MCOLN2: variants seen among roughly 807,000 people sequenced by gnomAD.
MCOLN2 encodes mucolipin TRP cation channel 2.
Under a neutral mutation model 67.5 loss-of-function variants are expected in MCOLN2, and 57 were observed. That is an observed-to-expected ratio of 0.84 (90% CI 0.68 to 1.05). MCOLN2 has a LOEUF of 1.05. Among genes scored for constraint, MCOLN2 ranks in the 50% least tolerant of loss-of-function variants. The pLI is 0.00. For missense variants in MCOLN2, 620 were observed against 678.8 expected, an observed-to-expected ratio of 0.91 and a Z score of 0.96; for synonymous variants, 246 against 233.3, an observed-to-expected ratio of 1.05 and a Z score of -0.50.
chr1:84,991,980 G>C (rs1189395302), intron 1 of MCOLN2, among the ~76,000 whole-genome samples: 3 of 152,204 alleles, frequency 2.0e-5, no homozygotes, highest in Non-Finnish European at 4.4e-5. Flanking sequence ...CAACTTAATA[G>C]AGTCATGCTG....
intron 1 of MCOLN2, among the ~76,000 whole-genome samples, chr1:84,993,006 T>G (rs1650967985): frequency 6.6e-6 from 1 of 152,248 alleles, no homozygotes. Flanking sequence ...CAACGCTGTT[T>G]GATTGCATTT....
chr1:84,993,618 T>G (rs200784175), intron 1 of MCOLN2, among the ~76,000 whole-genome samples: 5 of 74,662 alleles, frequency 6.7e-5, no homozygotes, highest in Non-Finnish European at 1.5e-4. Flanking sequence ...TTAAATAATG[T>G]CTTTTTTTTT....
At chr1:84,946,056 A>C (rs1028581353) in intron 7 of MCOLN2, among the ~76,000 whole-genome samples, 2 of 152,112 alleles carry the variant, frequency 1.3e-5, no homozygotes, top group Admixed American at 6.6e-5. Flanking sequence ...GCAGTAGCCC[A>C]TTTTAAACAT....
chr1:84,940,068 A>G (rs1162947268), intron 8 of MCOLN2, among the ~76,000 whole-genome samples: 1 of 152,182 alleles, frequency 6.6e-6, no homozygotes, highest in African/African-American at 2.4e-5. Flanking sequence ...TGAGGCACCG[A>G]GAGGCTAAGC....
intron 8 of MCOLN2, among the ~76,000 whole-genome samples, chr1:84,940,086 C>T (rs1050690098): frequency 8.6e-5 from 13 of 152,006 alleles, no homozygotes; most frequent in African/African-American, 2.4e-4. Flanking sequence ...AGCCAGGATC[C>T]GTGTCCAGGC....
chr1:84,990,888 T>C (rs1557668111), intron 1 of MCOLN2, among the ~76,000 whole-genome samples: 2 of 151,980 alleles, frequency 1.3e-5, no homozygotes, highest in South Asian at 2.1e-4. Flanking sequence ...TAAGCTGTCA[T>C]TGTGCCACTG....
In MCOLN2 at chr1:84,952,275, C is replaced by T; in HGVS notation, c.715G>A (p.Glu239Lys). 6.2e-7 allele frequency: 1 copy of T among 1,613,444 alleles called. No individual in the cohort carries two copies. The highest frequency in any genetic ancestry group is 8.5e-7 in the Non-Finnish European group (1 of 1,179,708). The change falls in exon 6 of 14, where the codon GAG becomes AAG. Residue 239 changes from glutamate (E) to lysine (K), a missense_variant. By Grantham distance (56) the Glu-to-Lys change is moderately conservative. Coordinates refer to ENST00000370608, the MANE Select transcript of MCOLN2 (RefSeq NM_153259.4). ...TGAAAGACATAACAGTCTGGTAACT[C>T]ACGGGAATGAATTGTCTGTAGGTCA... ...GIDLQTIHSR[E>K]LPDCYVFQNT...
chr1:84,937,429 C>A, intron 11 of MCOLN2: 1 of 239,172 alleles, frequency 4.2e-6, no homozygotes, highest in Non-Finnish European at 7.4e-6. Context: ...TAATTTTCCT[C>A]ACTTAATTTT....
chr1:84,952,586 A>T, intron 4 of MCOLN2, 56 bp from the exon 5 acceptor site: 3 of 1,094,374 alleles, frequency 2.7e-6, no homozygotes, highest in Non-Finnish European at 4.2e-6. Flanking sequence ...AGGTGCTAAA[A>T]CTAATGGGTG....
intron 2 of MCOLN2, among the ~76,000 whole-genome samples, chr1:84,961,393 T>C (rs927622266): frequency 6.6e-6 from 1 of 152,214 alleles, no homozygotes; most frequent in African/African-American, 2.4e-5. Flanking sequence ...TATAGTTTGC[T>C]GATATTTGAA....
intron 1 of MCOLN2, among the ~76,000 whole-genome samples, chr1:84,990,572 G>A (rs1392735057): frequency 6.6e-6 from 1 of 152,002 alleles, no homozygotes; most frequent in Non-Finnish European, 1.5e-5. Context: ...ATAACATATT[G>A]TAATTTTTTT....
chr1:84,939,582 A>G lies in MCOLN2; in HGVS notation c.1081T>C (p.Ser361Pro). 1 of 1,614,032 alleles carries G rather than the reference A, an allele frequency of 6.2e-7. No homozygotes were observed. The highest frequency in any genetic ancestry group is 8.5e-7 in the Non-Finnish European group (1 of 1,179,972). Residue 361 changes from serine to proline, a missense_variant, in exon 9 of 14, where the codon TCC (serine) becomes CCC (proline). Transcript: ENST00000370608. Reference protein sequence around the residue: ...IISDLMTIIGSILKMEIKAKN... With the variant: ...IISDLMTIIGPILKMEIKAKN... ...GCTTTGATTTCCATTTTTAATATGG[A>G]GCCAATGATTGTCATTAGGTCGCTG...
intron 1 of MCOLN2, among the ~76,000 whole-genome samples, chr1:84,982,889 T>C (rs1268654130): frequency 6.6e-6 from 1 of 152,078 alleles, no homozygotes; most frequent in African/African-American, 2.4e-5. Flanking sequence ...ATTATTATTT[T>C]TTATTTTTAG....
chr1:84,930,353 A>G (rs922586648), intron 12 of MCOLN2, among the ~76,000 whole-genome samples: 1 of 151,878 alleles, frequency 6.6e-6, no homozygotes, highest in African/African-American at 2.4e-5. Flanking sequence ...GGCAATGTAG[A>G]CTCTGCTTGG....
intron 1 of MCOLN2, among the ~76,000 whole-genome samples, chr1:84,993,100 G>A (rs1246528176): frequency 6.6e-6 from 1 of 152,204 alleles, no homozygotes; most frequent in Non-Finnish European, 1.5e-5. Context: ...TACGGAATAT[G>A]CTAAATTATG....
At chr1:84,962,879 A>T (rs567842714) in intron 2 of MCOLN2, among the ~76,000 whole-genome samples, 5 of 152,332 alleles carry the variant, frequency 3.3e-5, no homozygotes, top group African/African-American at 4.8e-5. Flanking sequence ...GTTTCTGAAC[A>T]GGAGAGTGAC....
At chr1:84,972,435 A>G (rs1433838289) in intron 1 of MCOLN2, among the ~76,000 whole-genome samples, 2 of 152,254 alleles carry the variant, frequency 1.3e-5, no homozygotes, top group Non-Finnish European at 2.9e-5. Flanking sequence ...ATAGTATTTG[A>G]AGGCATAAAA....
At chr1:84,957,435 A>T (rs1648853957) in intron 3 of MCOLN2, among the ~76,000 whole-genome samples, 1 of 152,188 alleles carries the variant, frequency 6.6e-6, no homozygotes, top group African/African-American at 2.4e-5. Flanking sequence ...TGGACCATAA[A>T]ATTCCCTCTA....
chr1:84,995,239 T>C (rs11799517), intron 1 of MCOLN2, among the ~76,000 whole-genome samples: 63,377 of 151,432 alleles, frequency 0.42, 13,938 homozygotes, highest in East Asian at 0.62. Context: ...CAATGTGACA[T>C]AGAGACACAA....
Sources: gnomAD v4.1 joint callset for allele counts (sites outside exome capture counted in the v4.1 genomes callset) on GRCh38, gnomAD v4.1.1 for gene constraint, MANE v1.5 for transcripts, NCBI Gene and HGNC (gene_info 2026-07-23, HGNC 2026-07-21) for gene names.